Variants in DPP6 observed in about 807,000 individuals in gnomAD.
DPP6 encodes A-type potassium channel modulatory protein DPP6.
In DPP6, 69 loss-of-function variants were observed where a neutral mutation model predicts 122.6. That is an observed-to-expected ratio of 0.56 (90% CI 0.46 to 0.69). DPP6 has a LOEUF of 0.69. Ranked by LOEUF, DPP6 falls within the 30% of genes least tolerant of loss-of-function variation. The pLI is 0.00. For missense variants in DPP6, 928 were observed against 1,116.9 expected (o/e 0.83, Z 2.41); for synonymous variants, 418 against 433.1 (o/e 0.97, Z 0.43).
At chr7:154,342,007 A>G (rs1809977546) in intron 1 of DPP6, among the ~76,000 whole-genome samples, 1 of 152,134 alleles carries the variant, frequency 6.6e-6, no homozygotes, top group Non-Finnish European at 1.5e-5. Context: ...TTTGGGGAGG[A>G]AATCATCTCA....
intron 1 of DPP6, among the ~76,000 whole-genome samples, chr7:154,260,828 A>G (rs1802970084): frequency 1.3e-5 from 2 of 151,024 alleles, no homozygotes; most frequent in South Asian, 4.2e-4. Context: ...ATAATTACTT[A>G]TTTTCTTCTT....
At chr7:154,459,466 G>T (rs1352379040) in intron 2 of DPP6, among the ~76,000 whole-genome samples, 1 of 152,158 alleles carries the variant, frequency 6.6e-6, no homozygotes, top group African/African-American at 2.4e-5. Context: ...ATGAGTATAT[G>T]TTTATGATCA....
intron 6 of DPP6, among the ~76,000 whole-genome samples, chr7:154,658,546 C>T (rs777217564): frequency 1.3e-5 from 2 of 152,050 alleles, no homozygotes; most frequent in African/African-American, 4.8e-5. Flanking sequence ...CGGGAGGAAG[C>T]CTTCTGCAGG....
At chr7:154,763,233 G>A (rs1335021252) in intron 8 of DPP6, among the ~76,000 whole-genome samples, 1 of 152,182 alleles carries the variant, frequency 6.6e-6, no homozygotes, top group African/African-American at 2.4e-5. Flanking sequence ...TCAGAAGGCT[G>A]AGGCAGGAGA....
At chr7:154,485,347 A>T (rs2151377913) in intron 3 of DPP6, among the ~76,000 whole-genome samples, 1 of 152,334 alleles carries the variant, frequency 6.6e-6, no homozygotes, top group East Asian at 1.9e-4. Context: ...ACATTGGTGT[A>T]AACCACCAGT....
At chr7:153,947,717 A>G (rs10256069) in intron 1 of DPP6, among the ~76,000 whole-genome samples, 116,064 of 151,882 alleles carry the variant, frequency 0.76, 44,997 homozygotes, top group East Asian at 1. Context: ...GCTGAGGGTG[A>G]TCGGTGGGAA....
At chr7:153,915,428 A>G (rs77298710) in intron 1 of DPP6, among the ~76,000 whole-genome samples, 4,310 of 152,288 alleles carry the variant, frequency 0.028, 101 homozygotes, top group African/African-American at 0.073. Context: ...AGCTCATGAA[A>G]TGGAACGAGG....
At chr7:154,239,208 C>T (rs533980546) in intron 1 of DPP6, among the ~76,000 whole-genome samples, 130 of 152,308 alleles carry the variant, frequency 8.5e-4, no homozygotes, top group Admixed American at 2.8e-3. Context: ...TCTGATTTCC[C>T]GTATGGAATT....
At chr7:154,417,005 G>C (rs1037849568) in intron 1 of DPP6, among the ~76,000 whole-genome samples, 2 of 152,104 alleles carry the variant, frequency 1.3e-5, no homozygotes, top group African/African-American at 4.8e-5. Flanking sequence ...TTTGGTTCTA[G>C]ACAAAAAGTC....
chr7:154,584,407 C>T (rs1178320387), intron 5 of DPP6, among the ~76,000 whole-genome samples: 3 of 152,214 alleles, frequency 2.0e-5, no homozygotes, highest in Non-Finnish European at 1.5e-5. Flanking sequence ...GACGGTTTTC[C>T]GATTTCCTGC....
the DPP6 span, among the ~76,000 whole-genome samples, chr7:153,753,228 G>A: frequency 1.3e-5 from 2 of 151,106 alleles, no homozygotes; most frequent in African/African-American, 4.9e-5. Context: ...ATCCTGCTAG[G>A]AGTTCACTAA....
chr7:153,970,895 T>C (rs1795986048), intron 1 of DPP6, among the ~76,000 whole-genome samples: 1 of 152,206 alleles, frequency 6.6e-6, no homozygotes. Flanking sequence ...CTGTAACTTT[T>C]AAAAAGACTT....
chr7:153,785,181 A>G, the DPP6 span, among the ~76,000 whole-genome samples: 3 of 152,290 alleles, frequency 2.0e-5, no homozygotes, highest in East Asian at 5.8e-4. Context: ...TAACGAGGAA[A>G]GAGCTGGTTA....
chr7:154,215,926 A>G (rs958969563), intron 1 of DPP6, among the ~76,000 whole-genome samples: 2 of 152,090 alleles, frequency 1.3e-5, no homozygotes, highest in African/African-American at 4.8e-5. Flanking sequence ...ACCAAACAAC[A>G]GCATGAATCT....
At chr7:154,559,154 G>A (rs1021728140) in intron 4 of DPP6, among the ~76,000 whole-genome samples, 3 of 149,210 alleles carry the variant, frequency 2.0e-5, no homozygotes, top group East Asian at 4.0e-4. Context: ...AAGGCTATAA[G>A]GAAAACCATG....
rs6956371 is a variant in DPP6, at chr7:154,073,168, C to T, written c.243+20105C>T. 2.4e-3 allele frequency among the ~76,000 whole-genome samples: 372 copies of T among 152,324 alleles called. 3 individuals carry two copies. Among genetic ancestry groups the T allele is most frequent in the African/African-American group, 8.6e-3 (357 of 41,568 alleles). On this transcript the variant is annotated intron_variant, in intron 1 of 25. Coordinates refer to ENST00000377770, the MANE Select transcript of DPP6 (RefSeq NM_130797.4). ...TTAAATGTAAAGTCGCTCTGTGCAG[C>T]GAGCATGTTCCTTCGTGCCCTGGGC...
At chr7:154,892,263 A>C in intron 25 of DPP6, 71 bp from the exon 26 acceptor site, 1 of 1,602,444 alleles carries the variant, frequency 6.2e-7, no homozygotes, top group Non-Finnish European at 8.5e-7. Context: ...TAAACTCCAC[A>C]CCTTCTGTGC....
rs1810152463 is a variant in DPP6, at chr7:154,343,863, G to C, written c.244-102351G>C. Among the ~76,000 whole-genome samples the C allele has an allele frequency of 3.3e-5, 5 of 152,332 alleles. No homozygotes were observed. The South Asian group carries it at 1.0e-3, about 32-fold the overall frequency. ...CCCACAGTGCTGGGATTACAGGCGT[G>C]TGCCACCATGCCTGGCTAATTTTTG... On this transcript the variant is annotated intron_variant, in intron 1 of 25. Transcript: ENST00000377770.
intron 1 of DPP6, among the ~76,000 whole-genome samples, chr7:154,214,448 A>C (rs1396771704): frequency 1.3e-5 from 2 of 152,206 alleles, no homozygotes; most frequent in South Asian, 4.1e-4. Context: ...TGAAAGAATG[A>C]TGAATTATTA....
Sources: gnomAD v4.1 joint callset for allele counts (sites outside exome capture counted in the v4.1 genomes callset) on GRCh38, gnomAD v4.1.1 for gene constraint, MANE v1.5 for transcripts, NCBI Gene and HGNC (gene_info 2026-07-23, HGNC 2026-07-21) for gene names.